Variants in CASZ1 observed in about 807,000 individuals in gnomAD.
The protein encoded by CASZ1 is zinc finger protein castor homolog 1.
CASZ1 carries 28 observed loss-of-function variants against 135.2 expected under a neutral mutation model. That is an observed-to-expected ratio of 0.21 (90% CI 0.15 to 0.28). CASZ1 has a LOEUF of 0.28. CASZ1 is among the 10% of genes least tolerant of loss of function. CASZ1 has a pLI of 1.00. For missense variants in CASZ1, 2,161 were observed against 2,453.3 expected (o/e 0.88, Z 2.52); for synonymous variants, 1,068 against 1,073.4 (o/e 0.99, Z 0.10).
At position 10,716,823 on chromosome 1, in the gene CASZ1, C is replaced by T. The variant is rs138635464; in HGVS notation, c.-76-11279G>A. Among the ~76,000 whole-genome samples, 681 of 152,334 alleles carry T rather than the reference C, an allele frequency of 4.5e-3. 1 individual carries two copies. Among genetic ancestry groups the T allele is most frequent in the Non-Finnish European group, 7.6e-3 (517 of 68,022 alleles). ...GGCCCTGAGCATGGAGTCAGTCCAT[C>T]CCCCAAAGGCTTTCTCAAGCCTTCC... On this transcript the variant is annotated intron_variant, in intron 2 of 20. Transcript: ENST00000377022.
chr1:10,795,608 C>A (rs1292279333), intron 1 of CASZ1, among the ~76,000 whole-genome samples: 1 of 152,220 alleles, frequency 6.6e-6, no homozygotes, highest in Non-Finnish European at 1.5e-5. Flanking sequence ...CCCGAACTTT[C>A]CCCGGGACCC....
chr1:10,695,183 G>A (rs1638901911), intron 3 of CASZ1, among the ~76,000 whole-genome samples: 1 of 151,278 alleles, frequency 6.6e-6, no homozygotes, highest in Admixed American at 6.6e-5. Context: ...GGGGCGAGGC[G>A]GGGCAGGGCG....
Position 10,697,631 on chromosome 1 carries a change from C to T in CASZ1, c.-23-3719G>A, listed in dbSNP as rs567471341. Among the ~76,000 whole-genome samples, 25 of 152,278 alleles carry T rather than the reference C, an allele frequency of 1.6e-4. No homozygotes were observed. Among genetic ancestry groups the T allele is most frequent in the African/African-American group, 6.0e-4 (25 of 41,540 alleles). Reference sequence around the variant, plus strand: ...CAAGTTGCCCACCTACACTCTCTCCCTCCCGAGCCTGGGGCCTTCTCACTC... The same window carrying T: ...CAAGTTGCCCACCTACACTCTCTCCTTCCCGAGCCTGGGGCCTTCTCACTC... On this transcript the variant is annotated intron_variant, in intron 3 of 20. Coordinates refer to ENST00000377022, the MANE Select transcript of CASZ1 (RefSeq NM_001079843.3). This position sits in a 1 kb window ranked among gnomAD's most constrained non-coding sequence, Gnocchi z 4.7.
In CASZ1 at chr1:10,681,430, C is replaced by T. The variant is rs920315316; in HGVS notation, c.16+12444G>A. Among the ~76,000 whole-genome samples, 7 of 152,138 alleles carry T rather than the reference C, an allele frequency of 4.6e-5. No homozygotes were observed. In the South Asian group the frequency reaches 1.4e-3, roughly 31 times the overall value. The stretch of plus-strand genomic sequence containing the variant: ...CCTGCCAGGCCCTCAGCACGCTGCC[C>T]CCTCAGCGGCAGAAACTGCTCCTTC... On this transcript the variant is annotated intron_variant, in intron 4 of 20. Coordinates refer to ENST00000377022, the MANE Select transcript of CASZ1 (RefSeq NM_001079843.3).
At chr1:10,703,225 C>T (rs1366353189) in intron 3 of CASZ1, among the ~76,000 whole-genome samples, 1 of 152,202 alleles carries the variant, frequency 6.6e-6, no homozygotes, top group African/African-American at 2.4e-5. Context: ...CCCTTCCAGC[C>T]TTTCCTCTCG....
At position 10,726,052 on chromosome 1, in the gene CASZ1, T is replaced by C. The variant is rs1338620736; in HGVS notation, c.-76-20508A>G. Among the ~76,000 whole-genome samples the C allele has an allele frequency of 6.6e-6, 1 of 152,068 alleles. No homozygotes were observed. Among genetic ancestry groups the C allele is most frequent in the Non-Finnish European group, 1.5e-5 (1 of 68,018 alleles). Reference sequence around the variant, plus strand: ...TCACTATCTGTCAGGGGCTGTACCATCTCATTGATGCCTCCAACCACCTAT... The same window carrying C: ...TCACTATCTGTCAGGGGCTGTACCACCTCATTGATGCCTCCAACCACCTAT... On this transcript the variant is annotated intron_variant, in intron 2 of 20. Transcript: ENST00000377022. The surrounding 1 kb of genome is among the most constrained non-coding windows in gnomAD (Gnocchi z 5.7).
In CASZ1 at chr1:10,639,991, G is replaced by A. The variant is rs768024968; in HGVS notation, c.4231C>T (p.Pro1411Ser). Residue 1411 changes from proline (P) to serine (S), a missense_variant, in exon 21 of 21, where the codon CCC (proline) becomes TCC (serine). Physicochemically the swap from Pro to Ser is moderately conservative, Grantham distance 74. Around this residue, in one of 7 missense-constraint regions of CASZ1, gnomAD observed 143 missense variants for 128.3 expected, o/e 1.11. Transcript: ENST00000377022. The surrounding 1 kb of genome is among the most constrained non-coding windows in gnomAD (Gnocchi z 4.0). ...KRFWIIEDMS[P>S]FGKRRKTASS... ...GCCGTCTTCCGCCGCTTGCCGAAGG[G>A]CGACATGTCCTCGATGATCCAGAAG... 1 of 1,612,684 alleles carries A rather than the reference G, an allele frequency of 6.2e-7. No homozygotes were observed. The highest frequency in any genetic ancestry group is 1.1e-5 in the South Asian group (1 of 91,090).
In CASZ1 at chr1:10,734,278, GAA is replaced by G. The variant is rs36012614; in HGVS notation, c.-77+26421_-77+26422del. Among the ~76,000 whole-genome samples the G allele has an allele frequency of 7.0e-3, 717 of 101,774 alleles. 5 individuals carry two copies. Among genetic ancestry groups the G allele is most frequent in the African/African-American group, 0.024 (684 of 28,740 alleles). The allele number at this position is 101,774 out of a possible 152,430, so 66.8% of individuals were successfully genotyped here. On this transcript the variant is annotated intron_variant, in intron 2 of 20. Transcript: ENST00000377022. ...AAGTCACCTGCCTGGGAAGAAGCAAGAAAAAAAAAAAAAAAAATCCCATGGCC... is the reference window on the plus strand; with the variant it reads ...AAGTCACCTGCCTGGGAAGAAGCAAGAAAAAAAAAAAAAAATCCCATGGCC...
At chr1:10,779,562 A>G (rs372143704) in intron 1 of CASZ1, among the ~76,000 whole-genome samples, 11 of 152,118 alleles carry the variant, frequency 7.2e-5, no homozygotes, top group Admixed American at 1.3e-4. Context: ...TAGGGGGGGA[A>G]TTTAAATAAA....
Position 10,650,728 on chromosome 1 carries a change from C to G in CASZ1, c.2844G>C (p.Pro948=). ...PSNESNGHAV[P]ANSSLLSSLM... ...GCGAGGATAAAAGAGATGAATTTGC[C>G]GGGACTGCGTGGCCATTTGATTCGT... Residue 948 remains proline, a synonymous_variant, in exon 13 of 21, where the codon CCG becomes CCC. Transcript: ENST00000377022. 6.2e-7 allele frequency: 1 copy of G among 1,614,112 alleles called. No individual in the cohort carries two copies. Among genetic ancestry groups the G allele is most frequent in the South Asian group, 1.1e-5 (1 of 91,078 alleles).
At chr1:10,660,952 C>T (rs1643003250) in intron 5 of CASZ1, 1 of 212,496 alleles carries the variant, frequency 4.7e-6, no homozygotes, top group Non-Finnish European at 9.5e-6. Context: ...CAGGTAGGGA[C>T]GTGGGCCAGT....
At chr1:10,705,011 G>C (rs964231999) in intron 3 of CASZ1, among the ~76,000 whole-genome samples, 2 of 152,248 alleles carry the variant, frequency 1.3e-5, no homozygotes, top group African/African-American at 4.8e-5. Flanking sequence ...GATGGAGGAA[G>C]CCACTAGGGG....
intron 2 of CASZ1, among the ~76,000 whole-genome samples, chr1:10,744,169 C>T (rs1639992865): frequency 6.6e-6 from 1 of 151,052 alleles, no homozygotes; most frequent in Non-Finnish European, 1.5e-5. Flanking sequence ...CCCGTAAAAA[C>T]AGCTGCTGTG....
At position 10,707,507 on chromosome 1, in the gene CASZ1, G is replaced by A. The variant is rs1639200920; in HGVS notation, c.-76-1963C>T. 6.6e-6 allele frequency among the ~76,000 whole-genome samples: 1 copy of A among 152,154 alleles called. No homozygotes were observed. The highest frequency in any genetic ancestry group is 1.5e-5 in the Non-Finnish European group (1 of 68,028). ...TCTGATCACACAGAACAATCAGGGA[G>A]GAAACTTTCCAGGAGTTGGTCGGGG... On this transcript the variant is annotated intron_variant, in intron 2 of 20. Transcript: ENST00000377022. The surrounding 1 kb of genome is among the most constrained non-coding windows in gnomAD (Gnocchi z 5.0).
intron 4 of CASZ1, among the ~76,000 whole-genome samples, chr1:10,693,332 C>G (rs1204635284): frequency 1.3e-5 from 2 of 151,912 alleles, no homozygotes; most frequent in Non-Finnish European, 2.9e-5. Context: ...TCCGACACAG[C>G]CTTGTCCCAA....
intron 1 of CASZ1, among the ~76,000 whole-genome samples, chr1:10,771,117 A>G (rs1015310584): frequency 1.3e-5 from 2 of 152,222 alleles, no homozygotes; most frequent in African/African-American, 4.8e-5. Context: ...AAATGGAGGC[A>G]GGGAAAGTTC....
At chr1:10,763,966 G>A (rs1378006071) in intron 1 of CASZ1, among the ~76,000 whole-genome samples, 1 of 152,160 alleles carries the variant, frequency 6.6e-6, no homozygotes, top group Non-Finnish European at 1.5e-5. Flanking sequence ...GAGTTCAAGC[G>A]ATTCTCCTGC....
chr1:10,768,991 A>G (rs1462275764), intron 1 of CASZ1, among the ~76,000 whole-genome samples: 1 of 152,156 alleles, frequency 6.6e-6, no homozygotes, highest in Non-Finnish European at 1.5e-5. Flanking sequence ...AAATACAAAA[A>G]TTAGCCGGGT....
rs1052814111 is a variant in CASZ1, at chr1:10,724,900, C to T, written c.-76-19356G>A. 2.0e-5 allele frequency among the ~76,000 whole-genome samples: 3 copies of T among 152,202 alleles called. No individual in the cohort carries two copies. The highest frequency in any genetic ancestry group is 2.0e-4 in the Admixed American group (3 of 15,282). On this transcript the variant is annotated intron_variant, in intron 2 of 20. Transcript: ENST00000377022. The surrounding 1 kb of genome is among the most constrained non-coding windows in gnomAD (Gnocchi z 4.1). ...TCTTTCTCCTCTTTCTCTGAAGTTTCCTTGTGGTTTGAATTTAATTTTGAT... is the reference window on the plus strand; with the variant it reads ...TCTTTCTCCTCTTTCTCTGAAGTTTTCTTGTGGTTTGAATTTAATTTTGAT...
Sources: allele counts gnomAD v4.1 joint callset (sites outside exome capture counted in the v4.1 genomes callset), GRCh38; gene constraint gnomAD v4.1.1; regional missense constraint gnomAD v4.1.1; non-coding constraint Gnocchi (gnomAD v3.1); transcripts MANE v1.5; gene names NCBI Gene and HGNC (gene_info 2026-07-23, HGNC 2026-07-21).